Variants in OCRL observed in about 807,000 individuals in gnomAD.
The protein encoded by OCRL is OCRL inositol polyphosphate-5-phosphatase, also known as inositol polyphosphate 5-phosphatase OCRL.
OCRL carries 8 observed loss-of-function variants against 78.9 expected under a neutral mutation model. The ratio of observed to expected loss-of-function variants is 0.10; its 90% CI spans 0.06 to 0.18. OCRL has a LOEUF of 0.18. Among genes scored for constraint, OCRL ranks in the 10% least tolerant of loss-of-function variants. The pLI, the probability that OCRL is intolerant of heterozygous loss-of-function variation, is 1.00. For missense variants in OCRL, 454 were observed against 696.7 expected, an observed-to-expected ratio of 0.65 and a Z score of 3.92; for synonymous variants, 240 against 235.4, an observed-to-expected ratio of 1.02 and a Z score of -0.18.
intron 4 of OCRL, among the ~76,000 whole-genome samples, chrX:129,551,771 A>C (rs1935963433): frequency 8.9e-6 from 1 of 112,602 alleles, no homozygotes; most frequent in Admixed American, 9.3e-5. Context: ...CTTGAGGAAA[A>C]GTACTAAGAG....
intron 18 of OCRL, among the ~76,000 whole-genome samples, chrX:129,581,453 T>G (rs984298970): frequency 7.8e-4 from 87 of 111,204 alleles, no homozygotes; most frequent in African/African-American, 2.8e-3. Flanking sequence ...AGGAGTAAGC[T>G]GTTTACTAAT....
Position 129,540,563 on chromosome X carries a change from G to T in OCRL, c.39+85G>T, listed in dbSNP as rs1038983339. On this transcript the variant is annotated intron_variant, in intron 1 of 23. Coordinates refer to ENST00000371113, the MANE Select transcript of OCRL (RefSeq NM_000276.4). ...GCCCTGCGGAACACGGTGGGGCGGG[G>T]CAACCGGGTGGCCCAGAGGCCGAGC... The T allele has an allele frequency of 5.8e-6, 6 of 1,035,442 alleles. No homozygotes were observed. The South Asian group carries it at 6.2e-5, about 11-fold the overall frequency. 85.3% of individuals were successfully genotyped at this position (1,035,442 alleles called of 1,213,427 possible). A position where few individuals can be genotyped will look rare whatever the true frequency, so the allele number is the denominator to read the frequency against.
chrX:129,592,205 C>T lies in OCRL; in HGVS notation c.*1935C>T, dbSNP rs1936598346. ...AGGTAGAGGAGACAAGATGTAGACC[C>T]AGACAGAAGAAATCTGCTTCCCTAC... is the stretch of plus-strand genomic sequence containing the variant. On this transcript the variant is annotated 3_prime_UTR_variant, in exon 24 of 24. Transcript: ENST00000371113. 1 of 113,802 alleles carries T rather than the reference C, an allele frequency of 8.8e-6. No individual in the cohort carries two copies. The allele number at this position is 113,802 out of a possible 1,213,427, so 9.4% of individuals were successfully genotyped here.
Position 129,584,360 on chromosome X carries a change from T to C in OCRL, c.2132T>C (p.Leu711Pro). 8.3e-7 allele frequency: 1 copy of C among 1,207,591 alleles called. No homozygotes were observed. The highest frequency in any genetic ancestry group is 1.1e-6 in the Non-Finnish European group (1 of 891,693). The change falls in exon 19 of 24, where the codon CTA (leucine) becomes CCA (proline). Residue 711 changes from leucine to proline, a missense_variant. Leu to Pro is a moderately conservative substitution (Grantham distance 98). Around this residue, in one of 2 missense-constraint regions of OCRL, gnomAD observed 277 missense variants for 517.1 expected, o/e 0.54. Transcript: ENST00000371113. The part of the protein sequence containing the change: ...KLIDLEEDSF[L>P]EKEKSLLQMV... The stretch of plus-strand genomic sequence containing the variant: ...CGCTCTCAGGAAGAAGACAGCTTCC[T>C]AGAAAAGGTAATGCAATCCATTGGT...
At position 129,540,365 on chromosome X, in the gene OCRL, G is replaced by C; in HGVS notation, c.-75G>C. On this transcript the variant is annotated 5_prime_UTR_variant, in exon 1 of 24. Transcript: ENST00000371113. ...AACGACACGCAGCCGAGGTGGGTGG[G>C]TGTGGGGACGCGGGAGCCAGTGTCG... 9.5e-7 allele frequency: 1 copy of C among 1,052,022 alleles called. No individual in the cohort carries two copies. The highest frequency in any genetic ancestry group is 1.3e-6 in the Non-Finnish European group (1 of 778,980). The allele number at this position is 1,052,022 out of a possible 1,213,427, so 86.7% of individuals were successfully genotyped here. A position where few individuals can be genotyped will look rare whatever the true frequency, so the allele number is the denominator to read the frequency against.
intron 2 of OCRL, among the ~76,000 whole-genome samples, chrX:129,541,885 T>G (rs1935808535): frequency 8.9e-6 from 1 of 112,485 alleles, no homozygotes; most frequent in Non-Finnish European, 1.9e-5. Flanking sequence ...CAGCTAATTC[T>G]GTGAAGTAGC....
chrX:129,561,353 T>C, intron 10 of OCRL, 60 bp downstream of exon 10: 7 of 684,048 alleles, frequency 1.0e-5, no homozygotes, highest in South Asian at 2.2e-5. Context: ...CCGGGAGTTA[T>C]TCCATTATCT....
In OCRL at chrX:129,571,086, A is replaced by G. The variant is rs760930660; in HGVS notation, c.1602+1687A>G. Among the ~76,000 whole-genome samples the G allele has an allele frequency of 5.0e-4, 56 of 112,164 alleles. 1 individual carries two copies. Among genetic ancestry groups the G allele is most frequent in the Non-Finnish European group, 1.3e-4 (7 of 53,246 alleles). ...CCAATCTTAAGTTGGCTTAACTCCC[A>G]ACTCTGTGCTCTTTCTACTACCCCA... On this transcript the variant is annotated intron_variant, in intron 15 of 23. Coordinates refer to ENST00000371113, the MANE Select transcript of OCRL (RefSeq NM_000276.4).
At chrX:129,582,481 C>A (rs1651880451) in intron 18 of OCRL, among the ~76,000 whole-genome samples, 1 of 112,218 alleles carries the variant, frequency 8.9e-6, no homozygotes, top group Non-Finnish European at 1.9e-5. Context: ...GGTTAGTATA[C>A]AAAATCTCTG....
At chrX:129,546,638 A>G (rs1439722295) in intron 3 of OCRL, among the ~76,000 whole-genome samples, 4 of 112,068 alleles carry the variant, frequency 3.6e-5, no homozygotes, top group Non-Finnish European at 5.6e-5. Context: ...TGCTGTGGCC[A>G]CCTCACTTTT....
chrX:129,560,776 C>T (rs1289233859), intron 9 of OCRL, 125 bp downstream of exon 9: 15 of 467,621 alleles, frequency 3.2e-5, no homozygotes, highest in African/African-American at 7.2e-5. Context: ...AGTTAACTTG[C>T]GGGTCAAATT....
At chrX:129,555,377 A>G (rs894709479) in intron 4 of OCRL, among the ~76,000 whole-genome samples, 2 of 111,355 alleles carry the variant, frequency 1.8e-5, no homozygotes, top group Admixed American at 9.5e-5. Flanking sequence ...CAGGAGGTTG[A>G]TGCAGGAGAA....
intron 12 of OCRL, among the ~76,000 whole-genome samples, chrX:129,563,964 C>T (rs1289940783): frequency 1.9e-5 from 2 of 107,999 alleles, no homozygotes; most frequent in African/African-American, 3.4e-5. Flanking sequence ...AAAATTTTCG[C>T]AACCTACTCA....
chrX:129,563,109 A>C, intron 12 of OCRL, among the ~76,000 whole-genome samples: 2 of 111,838 alleles, frequency 1.8e-5, no homozygotes. Context: ...ATTAGAAGTT[A>C]AATTTCCTCA....
rs980838333 is a variant in OCRL at position 129,589,093 on chromosome X, C to T, written c.2469+80C>T. ...CGTCAGTTTTACAGAGCCAGATAGG[C>T]AGCCAGCTGTCTGGTAGGATGGGTC... On this transcript the variant is annotated intron_variant, in intron 22 of 23. Coordinates refer to ENST00000371113, the MANE Select transcript of OCRL (RefSeq NM_000276.4). The T allele has an allele frequency of 5.5e-6, 6 of 1,087,584 alleles. No individual in the cohort carries two copies. The Admixed American group carries it at 1.3e-4, about 24-fold the overall frequency. The allele number at this position is 1,087,584 out of a possible 1,213,427, so 89.6% of individuals were successfully genotyped here.
intron 12 of OCRL, among the ~76,000 whole-genome samples, chrX:129,564,720 G>A (rs1273039068): frequency 9.2e-6 from 1 of 109,033 alleles, no homozygotes; most frequent in Non-Finnish European, 1.9e-5. Context: ...GGGGACTGTT[G>A]TGGGGTGGGG....
At position 129,561,309 on chromosome X, in the gene OCRL, T is replaced by G. The variant is rs1041137325; in HGVS notation, c.939+16T>G. On this transcript the variant is annotated intron_variant, in intron 10 of 23. Coordinates refer to ENST00000371113, the MANE Select transcript of OCRL (RefSeq NM_000276.4). ...GTATAAGAAAGTAAGCCGCATTTAA[T>G]TATCTTTTTAAGTGTATGACTAAAT... The G allele has an allele frequency of 1.9e-6, 2 of 1,033,949 alleles. No individual in the cohort carries two copies. The highest frequency in any genetic ancestry group is 2.7e-6 in the Non-Finnish European group (2 of 734,889). 85.2% of individuals were successfully genotyped at this position (1,033,949 alleles called of 1,213,427 possible).
chrX:129,564,654 A>G (rs1227109720), intron 12 of OCRL, among the ~76,000 whole-genome samples: 1 of 107,712 alleles, frequency 9.3e-6, no homozygotes, highest in African/African-American at 3.4e-5. Context: ...TCTCACTCAT[A>G]GGTGGGAATT....
rs1936361517 is a variant in OCRL at position 129,575,879 on chromosome X, C to G, written c.1714-18C>G. ...CCCTACTAGTGATGCATGTTTGTGT[C>G]TGTCTGTTATTCCCCAGTTTGTGTT... On this transcript the variant is annotated intron_variant, in intron 16 of 23. Transcript: ENST00000371113. The G allele has an allele frequency of 2.5e-6, 3 of 1,210,816 alleles. No homozygotes were observed. The highest frequency in any genetic ancestry group is 3.0e-5 in the East Asian group (1 of 33,864).
Sources: allele counts gnomAD v4.1 joint callset (sites outside exome capture counted in the v4.1 genomes callset), GRCh38; gene constraint gnomAD v4.1.1; regional missense constraint gnomAD v4.1.1; transcripts MANE v1.5; gene names NCBI Gene and HGNC (gene_info 2026-07-23, HGNC 2026-07-21).